The following DIS3 variants were observed in gnomAD, a reference collection of about 807,000 sequenced individuals.
DIS3 encodes DIS3 exosome endoribonuclease and 3'-5' exoribonuclease, also known as exosome complex exonuclease RRP44.
Under a neutral mutation model 113.0 loss-of-function variants are expected in DIS3, and 103 were observed. The observed-to-expected ratio is 0.91, with a 90% confidence interval of 0.78 to 1.07. The LOEUF (loss-of-function observed/expected upper bound fraction) is 1.07, where lower values mean the gene tolerates loss of function less well. DIS3 is among the 50% of genes least tolerant of loss of function. The pLI, the probability that DIS3 is intolerant of heterozygous loss-of-function variation, is 0.00. For missense variants in DIS3, 1,121 were observed against 1,167.1 expected (o/e 0.96, Z 0.58); for synonymous variants, 402 against 394.3 (o/e 1.02, Z -0.23).
rs1176126376 is a variant in DIS3, at chr13:72,781,001, A to G, written c.231T>C (p.Ile77=). 1 of 1,592,002 alleles carries G rather than the reference A, an allele frequency of 6.3e-7. No individual in the cohort carries two copies. Among genetic ancestry groups the G allele is most frequent in the Non-Finnish European group, 8.5e-7 (1 of 1,173,556 alleles). The part of the protein sequence containing the change: ...LPDTNVLLHQ[I]DVLEDPAIRN... ...TGATGGCAGGGTCCTCAAGAACATC[A>G]ATCTTAAAGAAAGATAAAGTTAATT... Residue 77 remains isoleucine, a splice_region_variant and synonymous_variant, in exon 2 of 21, where the codon ATT becomes ATC. Transcript: ENST00000377767.
chr13:72,779,747 AGTGGTGGTGGTG>A (rs1164924305), intron 2 of DIS3, among the ~76,000 whole-genome samples: 1 of 101,566 alleles, frequency 9.8e-6, no homozygotes, highest in Non-Finnish European at 1.9e-5. Context: ...ATTACAACTG[AGTGGTGGTGGTG>A]GTGGTGGTGG....
chr13:72,767,362 T>C (rs2033774608), intron 14 of DIS3, among the ~76,000 whole-genome samples: 1 of 152,186 alleles, frequency 6.6e-6, no homozygotes, highest in Admixed American at 6.5e-5. Flanking sequence ...TTGCATTTTA[T>C]TTACATTGCT....
chr13:72,781,892 C>CTAGA lies in DIS3; in HGVS notation c.-64_-61dup. The CTAGA allele has an allele frequency of 7.0e-7, 1 of 1,421,426 alleles. No homozygotes were observed. The highest frequency in any genetic ancestry group is 9.4e-7 in the Non-Finnish European group (1 of 1,062,904). The allele number at this position is 1,421,426 out of a possible 1,614,324, so 88.1% of individuals were successfully genotyped here. On this transcript the variant is annotated 5_prime_UTR_variant, in exon 1 of 21. Coordinates refer to ENST00000377767, the MANE Select transcript of DIS3 (RefSeq NM_014953.5). Reference sequence around the variant, plus strand: ...CGCTCTTCCAGCAAAAGGCGTCAATCTAGAATACGCCTAACCCCGGAGGTT... The same window carrying CTAGA: ...CGCTCTTCCAGCAAAAGGCGTCAATCTAGATAGAATACGCCTAACCCCGGAGGTT...
rs141896610 is a variant in DIS3, at chr13:72,755,466, T to C, written c.*4329A>G. 568 of 461,844 alleles carry C rather than the reference T, an allele frequency of 1.2e-3. 5 individuals carry two copies. The Middle Eastern group carries it at 0.013, about 10-fold the overall frequency. The allele number at this position is 461,844 out of a possible 1,614,324, so 28.6% of individuals were successfully genotyped here. ...TTATACTTACATTGAGTGATGTGTT[T>C]AACAACAAATTGTGACAGAGCTGAG... On this transcript the variant is annotated 3_prime_UTR_variant, in exon 21 of 21. Transcript: ENST00000377767.
At position 72,778,362 on chromosome 13, in the gene DIS3, T is replaced by C. The variant is rs753151792; in HGVS notation, c.405A>G (p.Gln135=). 3 of 1,570,254 alleles carry C rather than the reference T, an allele frequency of 1.9e-6. No homozygotes were observed. Among genetic ancestry groups the C allele is most frequent in the African/African-American group, 2.7e-5 (2 of 74,450 alleles). Residue 135 remains glutamine, a synonymous_variant, in exon 3 of 21, where the codon CAA becomes CAG. Coordinates refer to ENST00000377767, the MANE Select transcript of DIS3 (RefSeq NM_014953.5). ...NEHHRETYVE[Q]EQGENANDRN... ...TGTCATTAGCATTTTCTCCCTGTTCTTGTTCTACATAGGTTTCTCTAAATG... is the reference window on the plus strand; with the variant it reads ...TGTCATTAGCATTTTCTCCCTGTTCCTGTTCTACATAGGTTTCTCTAAATG...
chr13:72,760,723 T>C, intron 19 of DIS3, 72 bp from the exon 20 acceptor site: 1 of 1,520,886 alleles, frequency 6.6e-7, no homozygotes, highest in South Asian at 1.3e-5. Flanking sequence ...CCTTTACAAT[T>C]TATCTTACAT....
rs756498907 is a variant in DIS3 at position 72,760,570 on chromosome 13, G to A, written c.2752C>T (p.Leu918Phe). ...KVKIMLDSSN[L>F]QHQKIRMSLV... Reference sequence around the variant, plus strand: ...GACATTCGGATCTTCTGATGTTGAAGATTAGATGAGTCTAACATGATTTTC... The same window carrying A: ...GACATTCGGATCTTCTGATGTTGAAAATTAGATGAGTCTAACATGATTTTC... The change falls in exon 20 of 21, where the codon CTT (leucine) becomes TTT (phenylalanine). Residue 918 changes from leucine (L) to phenylalanine (F), a missense_variant. This residue lies in a region of DIS3 where 861 missense variants were observed against 915.5 expected (regional missense o/e 0.94). Transcript: ENST00000377767. The A allele has an allele frequency of 1.2e-6, 2 of 1,613,604 alleles. No homozygotes were observed. Among genetic ancestry groups the A allele is most frequent in the Non-Finnish European group, 1.7e-6 (2 of 1,179,680 alleles).
chr13:72,779,114 T>A (rs2034091873), intron 2 of DIS3, among the ~76,000 whole-genome samples: 1 of 152,166 alleles, frequency 6.6e-6, no homozygotes, highest in East Asian at 1.9e-4. Flanking sequence ...TTGAATGCAC[T>A]TGCTAATGCT....
Position 72,771,130 on chromosome 13 carries a change from GA to G in DIS3, c.1620del (p.Pro541GlnfsTer11), listed in dbSNP as rs2033877083. The G allele has an allele frequency of 6.2e-7, 1 of 1,613,480 alleles. No homozygotes were observed. The highest frequency in any genetic ancestry group is 1.1e-5 in the South Asian group (1 of 91,056). On this transcript the variant is annotated frameshift_variant, in exon 12 of 21. Coordinates refer to ENST00000377767, the MANE Select transcript of DIS3 (RefSeq NM_014953.5). LOFTEE classifies it high-confidence loss of function. ...VYLCEKRIDM[V>X]PELLSSNLCS... ...CACAAGTTAGAGCTAAGCAACTCTG[GA>G]ACCATGTCAATCCTCTGCAAAAGAT...
rs553391178 is a variant in DIS3 at position 72,761,768 on chromosome 13, C to A, written c.2389G>T (p.Ala797Ser). The change falls in exon 18 of 21, where the codon GCT (alanine) becomes TCT (serine). Residue 797 changes from alanine to serine, a missense_variant. This residue lies in a region of DIS3 where 861 missense variants were observed against 915.5 expected (regional missense o/e 0.94). Transcript: ENST00000377767. The stretch of plus-strand genomic sequence containing the variant: ...GTCAACTCTGGATAAGTACAGTCAG[C>A]CCCAATAGCCACAGCCAAAAGCCGA... The part of the protein sequence containing the change: ...VHRLLAVAIG[A>S]DCTYPELTDK... 2 of 1,613,362 alleles carry A rather than the reference C, an allele frequency of 1.2e-6. No individual in the cohort carries two copies. Among genetic ancestry groups the A allele is most frequent in the African/African-American group, 1.3e-5 (1 of 74,982 alleles).
chr13:72,776,854 T>C (rs529736795), intron 4 of DIS3, among the ~76,000 whole-genome samples: 16 of 152,310 alleles, frequency 1.1e-4, no homozygotes, highest in African/African-American at 3.6e-4. Context: ...CACACTGACA[T>C]GAGAGTGGTC....
chr13:72,763,397 A>C, intron 16 of DIS3, 54 bp downstream of exon 16: 1 of 1,524,010 alleles, frequency 6.6e-7, no homozygotes, highest in Non-Finnish European at 8.9e-7. Flanking sequence ...ATTATTTAGA[A>C]CAACAGGTAG....
chr13:72,769,315 C>T (rs928033934), intron 13 of DIS3, among the ~76,000 whole-genome samples: 1 of 152,098 alleles, frequency 6.6e-6, no homozygotes, highest in Non-Finnish European at 1.5e-5. Flanking sequence ...ATAATTAAGA[C>T]TGCAGGAGTC....
At chr13:72,762,326 G>T (rs538390182) in intron 16 of DIS3, among the ~76,000 whole-genome samples, 189 bp from the exon 17 acceptor site, 1 of 152,298 alleles carries the variant, frequency 6.6e-6, no homozygotes, top group Non-Finnish European at 1.5e-5. Context: ...ACAATGTTCG[G>T]ATTCATCAAA....
intron 1 of DIS3, chr13:72,781,236 TA>T: frequency 6.5e-7 from 1 of 1,536,440 alleles, no homozygotes; most frequent in Non-Finnish European, 8.8e-7. Context: ...GAATTAAGGG[TA>T]TTAATAAAGG....
chr13:72,770,871 T>C (rs2033869090), intron 13 of DIS3, 33 bp downstream of exon 13: 1 of 1,492,318 alleles, frequency 6.7e-7, no homozygotes, highest in East Asian at 2.3e-5. Flanking sequence ...CCAAAAAGTT[T>C]AAAAATTAGA....
intron 10 of DIS3, 104 bp downstream of exon 10, chr13:72,772,055 A>G: frequency 8.2e-7 from 1 of 1,217,114 alleles, no homozygotes. Flanking sequence ...AGCTACAATT[A>G]TACTTCACAA....
intron 4 of DIS3, 129 bp downstream of exon 4, chr13:72,777,291 A>G: frequency 2.4e-6 from 2 of 839,660 alleles, no homozygotes; most frequent in South Asian, 1.7e-5. Flanking sequence ...ACTCCTGTTT[A>G]TAACACAACT....
intron 19 of DIS3, 58 bp downstream of exon 19, chr13:72,761,305 G>T (rs2033616597): frequency 6.4e-7 from 1 of 1,553,914 alleles, no homozygotes; most frequent in South Asian, 1.2e-5. Flanking sequence ...TACCATTTAT[G>T]AACTCTCAAA....
Sources: gnomAD v4.1 joint callset for allele counts (sites outside exome capture counted in the v4.1 genomes callset) on GRCh38, gnomAD v4.1.1 for gene constraint, gnomAD v4.1.1 regional missense constraint, MANE v1.5 for transcripts, NCBI Gene and HGNC (gene_info 2026-07-23, HGNC 2026-07-21) for gene names.